Variants in ETV7 observed in about 807,000 individuals in gnomAD.
ETV7 encodes transcription factor ETV7.
In ETV7, 43 loss-of-function variants were observed where a neutral mutation model predicts 39.1. The ratio of observed to expected loss-of-function variants is 1.10; its 90% CI spans 0.86 to 1.42. The LOEUF (loss-of-function observed/expected upper bound fraction) is 1.42, where lower values mean the gene tolerates loss of function less well. Among genes scored for constraint, ETV7 ranks in the 40% most tolerant of loss-of-function variants. The pLI, the probability that ETV7 is intolerant of heterozygous loss-of-function variation, is 0.00. For synonymous variants in ETV7, 196 were observed against 176.6 expected, an observed-to-expected ratio of 1.11 and a Z score of -0.87; for missense variants, 432 against 442.3, an observed-to-expected ratio of 0.98 and a Z score of 0.21.
At chr6:36,362,784 G>A (rs938604914), downstream of ETV7, among the ~76,000 whole-genome samples, 8 of 152,190 alleles carry the variant, frequency 5.3e-5, no homozygotes, top group South Asian at 8.3e-4. Context: ...AGCCCAACCC[G>A]GCCATGATGG....
intron 2 of ETV7, among the ~76,000 whole-genome samples, chr6:36,381,695 T>C (rs1773662798): frequency 6.6e-6 from 1 of 152,148 alleles, no homozygotes; most frequent in South Asian, 2.1e-4. Context: ...TTCTTGGTAA[T>C]CACACCAAGC....
intron 7 of ETV7, among the ~76,000 whole-genome samples, chr6:36,359,910 T>G (rs1364279525): frequency 6.6e-6 from 1 of 151,998 alleles, no homozygotes; most frequent in Non-Finnish European, 1.5e-5. Context: ...TTTTTTTTTT[T>G]CTTTTGAGAC....
At chr6:36,387,455 T>C in intron 1 of ETV7, 81 bp downstream of exon 1, 3 of 1,588,698 alleles carry the variant, frequency 1.9e-6, no homozygotes, top group Non-Finnish European at 2.6e-6. Flanking sequence ...AAAATAGGTT[T>C]GGAAATCTAG....
rs553921385 is a variant in ETV7, at chr6:36,374,428, G to A, written c.308-850C>T. 1.2e-3 allele frequency among the ~76,000 whole-genome samples: 180 copies of A among 152,238 alleles called. 1 individual carries two copies. Among genetic ancestry groups the A allele is most frequent in the Non-Finnish European group, 1.9e-3 (130 of 68,020 alleles). ...TTCTTTGACTCATACCTTGGGCTAA[G>A]GTGCTGATAGTAGGGCAGGAAAGAG... On this transcript the variant is annotated intron_variant, in intron 3 of 7. Coordinates refer to ENST00000340181, the MANE Select transcript of ETV7 (RefSeq NM_016135.4).
chr6:36,386,280 A>AGAGCAAGAC (rs1169343778), intron 1 of ETV7, among the ~76,000 whole-genome samples: 2 of 152,320 alleles, frequency 1.3e-5, no homozygotes, highest in African/African-American at 4.8e-5. Context: ...GTGAGCCAAG[A>AGAGCAAGAC]TCACGCCACT....
In ETV7 at chr6:36,385,615, C is replaced by T. The variant is rs1773859749; in HGVS notation, c.61G>A (p.Gly21Ser). Residue 21 changes from glycine to serine, a missense_variant, in exon 2 of 8, where the codon GGC becomes AGC. Coordinates refer to ENST00000340181, the MANE Select transcript of ETV7 (RefSeq NM_016135.4). ...ISPVAAMPPL[G>S]THVQARCEAQ... ...TCACATCTGGCTTGCACGTGGGTGC[C>T]TAGGGGAGGCATGGCTGCCACAGGG... 2 of 1,614,166 alleles carry T rather than the reference C, an allele frequency of 1.2e-6. No individual in the cohort carries two copies. Among genetic ancestry groups the T allele is most frequent in the East Asian group, 4.5e-5 (2 of 44,886 alleles).
At chr6:36,387,050 T>C (rs1773941069) in intron 1 of ETV7, 1 of 223,940 alleles carries the variant, frequency 4.5e-6, no homozygotes, top group Admixed American at 5.3e-5. Flanking sequence ...ATAATGGGTA[T>C]GGGTCCTGGC....
rs1772856554 is a variant in ETV7 at position 36,368,893 on chromosome 6, GGTTAT to G, written c.807+31_807+35del. 4 of 1,613,832 alleles carry G rather than the reference GGTTAT, an allele frequency of 2.5e-6. No individual in the cohort carries two copies. The African/African-American group carries it at 4.0e-5, about 16-fold the overall frequency. On this transcript the variant is annotated intron_variant, in intron 6 of 7. Transcript: ENST00000340181. The stretch of plus-strand genomic sequence containing the variant: ...CTGACCCCCAACTCTGTCCCCTTCT[GGTTAT>G]GTTGAGACCATTCTGCTGGCCGAGG...
intron 2 of ETV7, 146 bp downstream of exon 2, chr6:36,385,388 C>T: frequency 2.1e-6 from 2 of 953,158 alleles, no homozygotes; most frequent in Admixed American, 2.2e-5. Context: ...ATTACTTGAA[C>T]CCAGGAGCTG....
Position 36,371,357 on chromosome 6 carries a change from G to A in ETV7, c.637C>T (p.Gln213Ter), listed in dbSNP as rs772128374. 2 of 1,595,142 alleles carry A rather than the reference G, an allele frequency of 1.3e-6. No homozygotes were observed. The highest frequency in any genetic ancestry group is 2.7e-5 in the African/African-American group (2 of 74,596). ...QGVCSFPAMP[Q>*]APIDGRIADC... ...GCGATCCTGCCGTCAATGGGGGCCT[G>A]CGGCATCGCGGGGAAGGAACAGACC... Residue 213 changes from glutamine to a stop codon, truncating the protein, a stop_gained, in exon 5 of 8, where the codon CAG becomes TAG. Coordinates refer to ENST00000340181, the MANE Select transcript of ETV7 (RefSeq NM_016135.4). LOFTEE classifies it high-confidence loss of function.
At chr6:36,365,033 ACTT>A (rs1472880373), downstream of ETV7, among the ~76,000 whole-genome samples, 1 of 152,152 alleles carries the variant, frequency 6.6e-6, no homozygotes, top group Non-Finnish European at 1.5e-5. Context: ...CTTATCAAGG[ACTT>A]CTCTGCAGTG....
At position 36,375,893 on chromosome 6, in the gene ETV7, G is replaced by C. The variant is rs1311061042; in HGVS notation, c.285C>G (p.Phe95Leu). The C allele has an allele frequency of 1.2e-6, 2 of 1,614,058 alleles. No homozygotes were observed. The highest frequency in any genetic ancestry group is 1.7e-5 in the Admixed American group (1 of 60,030). Residue 95 changes from phenylalanine to leucine, a missense_variant, in exon 3 of 8, where the codon TTC (phenylalanine) becomes TTG (leucine). Physicochemically the swap from Phe to Leu is conservative, Grantham distance 22. Transcript: ENST00000340181. ...GACCTGAGCTGGGCGCACGGTGCCG[G>C]AAGTCGTCCTTGGTGAGGATGCAGA... ...RALCILTKDD[F>L]RHRAPSSGDV...
chr6:36,362,581 G>C (rs531458580), downstream of ETV7, among the ~76,000 whole-genome samples: 10 of 152,344 alleles, frequency 6.6e-5, no homozygotes, highest in Admixed American at 3.3e-4. Context: ...GCCCGGTACA[G>C]AGCAGGTACT....
downstream of ETV7, among the ~76,000 whole-genome samples, chr6:36,365,329 T>C (rs901848567): frequency 2.0e-5 from 3 of 152,198 alleles, no homozygotes; most frequent in Non-Finnish European, 4.4e-5. Context: ...TCAGAGCAGC[T>C]TCTGGTCTGC....
chr6:36,369,774 T>C (rs561726306), intron 5 of ETV7, among the ~76,000 whole-genome samples: 1 of 152,272 alleles, frequency 6.6e-6, no homozygotes, highest in African/African-American at 2.4e-5. Flanking sequence ...TGTTAAGCAT[T>C]ATAATTGAAG....
At position 36,366,733 on chromosome 6, in the gene ETV7, T is replaced by C. The variant is rs1370200112; in HGVS notation, c.938A>G (p.Gln313Arg). The C allele has an allele frequency of 3.1e-6, 5 of 1,614,112 alleles. No individual in the cohort carries two copies. The highest frequency in any genetic ancestry group is 4.2e-6 in the Non-Finnish European group (5 of 1,180,018). Residue 313 changes from glutamine (Q) to arginine (R), a missense_variant, in exon 8 of 8, where the codon CAG becomes CGG. Coordinates refer to ENST00000340181, the MANE Select transcript of ETV7 (RefSeq NM_016135.4). ...CGGCTCCAGGTGGCTGTGCTTGTCC[T>C]GGACCATCTTTCCCGGAGTCTTTAG... ...RFLKTPGKMV[Q>R]DKHSHLEPLE...
chr6:36,373,621 C>T lies in ETV7; in HGVS notation c.308-43G>A, dbSNP rs373104167. On this transcript the variant is annotated intron_variant, in intron 3 of 7. Transcript: ENST00000340181. ...GGAGGGCAGGCTGCTGAACAGGCCA[C>T]GTGGGGAGGGCCAGCCTCATCCCCC... The T allele has an allele frequency of 1.0e-4, 154 of 1,503,830 alleles. No homozygotes were observed. In the African/African-American group the frequency reaches 1.7e-3, roughly 16 times the overall value. The allele number at this position is 1,503,830 out of a possible 1,614,324, so 93.2% of individuals were successfully genotyped here.
downstream of ETV7, among the ~76,000 whole-genome samples, chr6:36,363,804 G>A (rs1772615767): frequency 6.6e-6 from 1 of 151,668 alleles, no homozygotes. Flanking sequence ...TGGACACAAA[G>A]GTTCTCCAAG....
chr6:36,371,384 C>A lies in ETV7; in HGVS notation c.610G>T (p.Gly204Trp), dbSNP rs540780103. 51 of 1,601,454 alleles carry A rather than the reference C, an allele frequency of 3.2e-5. 1 individual carries two copies. In the South Asian group the frequency reaches 4.6e-4, roughly 14 times the overall value. The stretch of plus-strand genomic sequence containing the variant: ...GGCATCGCGGGGAAGGAACAGACCC[C>A]CTGGGTCCTGCAGCCGAGCTCTGCA... The part of the protein sequence containing the change: ...HCAELGCRTQ[G>W]VCSFPAMPQA... Residue 204 changes from glycine (G) to tryptophan (W), a missense_variant, in exon 5 of 8, where the codon GGG (glycine) becomes TGG (tryptophan). By Grantham distance (184) the Gly-to-Trp change is radical (BLOSUM62 -2). Transcript: ENST00000340181.
Sources: allele counts gnomAD v4.1 joint callset (sites outside exome capture counted in the v4.1 genomes callset), GRCh38; gene constraint gnomAD v4.1.1; transcripts MANE v1.5; gene names NCBI Gene and HGNC (gene_info 2026-07-23, HGNC 2026-07-21).